CSMD2: variants seen among roughly 807,000 people sequenced by gnomAD.
The protein encoded by CSMD2 is CUB and sushi domain-containing protein 2.
Under a neutral mutation model 398.5 loss-of-function variants are expected in CSMD2, and 130 were observed. The ratio of observed to expected loss-of-function variants is 0.33; its 90% CI spans 0.28 to 0.38. The LOEUF (loss-of-function observed/expected upper bound fraction) is 0.38. Among genes scored for constraint, CSMD2 ranks in the 10% least tolerant of loss-of-function variants. CSMD2 has a pLI of 1.00. For synonymous variants in CSMD2, 1,828 were observed against 1,908.5 expected (o/e 0.96, Z 1.10); for missense variants, 3,829 against 4,764.9 (o/e 0.80, Z 5.78).
chr1:33,623,421 C>T lies in CSMD2; in HGVS notation c.5671G>A (p.Glu1891Lys), dbSNP rs1641898596. The change falls in exon 36 of 71, where the codon GAA (glutamate) becomes AAA (lysine). Residue 1891 changes from glutamate (E) to lysine (K), a missense_variant. Glu to Lys is a moderately conservative substitution (Grantham distance 56). This residue lies in a region of CSMD2 where 2,001 missense variants were observed against 2,567.1 expected (regional missense o/e 0.78). Transcript: ENST00000373381. ...GTGTTATCTGCACCATCAAATACTTCCAGCGAGTCCCAGTTCTGCTCTGTC... is the reference window on the plus strand; with the variant it reads ...GTGTTATCTGCACCATCAAATACTTTCAGCGAGTCCCAGTTCTGCTCTGTC... ...FVTEQNWDSL[E>K]VFDGADNTVT... 6.2e-7 allele frequency: 1 copy of T among 1,614,188 alleles called. No homozygotes were observed. The highest frequency in any genetic ancestry group is 8.5e-7 in the Non-Finnish European group (1 of 1,180,032).
intron 1 of CSMD2, among the ~76,000 whole-genome samples, chr1:34,094,177 G>A (rs1312212081): frequency 1.3e-5 from 2 of 151,498 alleles, no homozygotes; most frequent in South Asian, 2.1e-4. Context: ...AAGTGAAGGA[G>A]AAATAAAATA....
At position 33,559,490 on chromosome 1, in the gene CSMD2, A is replaced by T. The variant is rs564352274; in HGVS notation, c.8381-17T>A. On this transcript the variant is annotated splice_polypyrimidine_tract_variant and intron_variant, in intron 53 of 70. Transcript: ENST00000373381. The surrounding 1 kb of genome is among the most constrained non-coding windows in gnomAD (Gnocchi z 4.0). ...AGGTAATTGCTGTAACCAAAACAGA[A>T]GATAGGTAAGCCCTCCTACTATTCC... 210 of 1,535,694 alleles carry T rather than the reference A, an allele frequency of 1.4e-4. No individual in the cohort carries two copies. The highest frequency in any genetic ancestry group is 1.8e-4 in the Non-Finnish European group (203 of 1,146,562).
At chr1:33,991,122 G>A (rs949611275) in intron 3 of CSMD2, among the ~76,000 whole-genome samples, 1 of 151,576 alleles carries the variant, frequency 6.6e-6, no homozygotes, top group African/African-American at 2.4e-5. Context: ...GGGCTTAAGC[G>A]ATCCTCCCAA....
chr1:33,788,828 T>G, intron 11 of CSMD2, 116 bp from the exon 12 acceptor site: 1 of 666,386 alleles, frequency 1.5e-6, no homozygotes, highest in Non-Finnish European at 2.7e-6. Flanking sequence ...TCGGGCAAAT[T>G]CTGGGCCCCA....
intron 3 of CSMD2, among the ~76,000 whole-genome samples, chr1:33,936,821 C>G (rs1644495289): frequency 6.6e-6 from 1 of 152,144 alleles, no homozygotes; most frequent in Non-Finnish European, 1.5e-5. Context: ...TCCTATCATT[C>G]TAGGATACCC....
chr1:34,092,035 A>G (rs74068045), intron 1 of CSMD2, among the ~76,000 whole-genome samples: 1,531 of 152,344 alleles, frequency 0.01, 22 homozygotes, highest in African/African-American at 0.033. Context: ...AAACTAGCCA[A>G]ATGCAAAATA....
intron 13 of CSMD2, among the ~76,000 whole-genome samples, chr1:33,757,545 C>A (rs1006652102): frequency 6.6e-6 from 1 of 152,112 alleles, no homozygotes; most frequent in Non-Finnish European, 1.5e-5. Flanking sequence ...TCTCACTCCC[C>A]ACTCTTGCTT....
chr1:33,994,367 C>G (rs1646658921), intron 3 of CSMD2, among the ~76,000 whole-genome samples: 1 of 152,054 alleles, frequency 6.6e-6, no homozygotes, highest in Non-Finnish European at 1.5e-5. Flanking sequence ...TGAGTCCCCT[C>G]TTCCTCCAGA....
At position 33,919,549 on chromosome 1, in the gene CSMD2, C is replaced by A. The variant is rs570239420; in HGVS notation, c.713-1248G>T. On this transcript the variant is annotated intron_variant, in intron 4 of 70. Coordinates refer to ENST00000373381, the MANE Select transcript of CSMD2 (RefSeq NM_001281956.2). ...TATGAGTGCAGAAATGTAAGATATA[C>A]ACCTACTCTCCCAGAGTAGGTGCTT... Among the ~76,000 whole-genome samples, 5 of 152,324 alleles carry A rather than the reference C, an allele frequency of 3.3e-5. No individual in the cohort carries two copies. The East Asian group carries it at 9.6e-4, about 29-fold the overall frequency.
chr1:34,110,652 A>G (rs1660987835), intron 1 of CSMD2, among the ~76,000 whole-genome samples: 1 of 152,172 alleles, frequency 6.6e-6, no homozygotes, highest in Non-Finnish European at 1.5e-5. Flanking sequence ...ATTCTTACTT[A>G]TAAGTGGGAG....
At chr1:33,705,082 T>C (rs1645731631) in intron 22 of CSMD2, among the ~76,000 whole-genome samples, 1 of 152,068 alleles carries the variant, frequency 6.6e-6, no homozygotes. Context: ...CCCTAATAGT[T>C]TCTGATTTCT....
intron 1 of CSMD2, among the ~76,000 whole-genome samples, chr1:34,127,837 T>A (rs1662901879): frequency 6.6e-6 from 1 of 151,570 alleles, no homozygotes; most frequent in Non-Finnish European, 1.5e-5. Flanking sequence ...GGACAGTGGT[T>A]CAAGGGATGC....
intron 4 of CSMD2, among the ~76,000 whole-genome samples, chr1:33,927,415 C>A (rs1191312097): frequency 6.6e-6 from 1 of 152,210 alleles, no homozygotes; most frequent in Non-Finnish European, 1.5e-5. Flanking sequence ...TTACATGACA[C>A]TCCTTAGTGA....
intron 41 of CSMD2, among the ~76,000 whole-genome samples, chr1:33,608,337 G>T (rs1248538132): frequency 6.6e-6 from 1 of 152,178 alleles, no homozygotes; most frequent in Non-Finnish European, 1.5e-5. Context: ...CCATTGTCTA[G>T]GGTGAAGGCA....
At chr1:34,162,404 T>C (rs1225069423) in intron 1 of CSMD2, among the ~76,000 whole-genome samples, 1 of 152,180 alleles carries the variant, frequency 6.6e-6, no homozygotes, top group Non-Finnish European at 1.5e-5. Flanking sequence ...GGTTCAGTCC[T>C]GAGCATCTTT....
chr1:33,580,129 C>T (rs1638589627), intron 48 of CSMD2, among the ~76,000 whole-genome samples: 1 of 152,152 alleles, frequency 6.6e-6, no homozygotes, highest in African/African-American at 2.4e-5. Context: ...CTTGCGGAGC[C>T]CAGTCAGCAG....
chr1:34,051,826 T>C (rs1270232154), intron 2 of CSMD2, among the ~76,000 whole-genome samples: 1 of 152,174 alleles, frequency 6.6e-6, no homozygotes, highest in African/African-American at 2.4e-5. Flanking sequence ...GGTGCCAACT[T>C]TACAGGGCAC....
At chr1:33,833,652 G>A (rs1394311682) in intron 6 of CSMD2, among the ~76,000 whole-genome samples, 1 of 150,232 alleles carries the variant, frequency 6.7e-6, no homozygotes, top group Non-Finnish European at 1.5e-5. Context: ...TTCTGGCCAG[G>A]GCAATCAGGC....
At chr1:33,744,452 C>T (rs1355000058) in intron 13 of CSMD2, among the ~76,000 whole-genome samples, 8 of 152,114 alleles carry the variant, frequency 5.3e-5, no homozygotes, top group Non-Finnish European at 1.0e-4. Context: ...GATCCCTGTC[C>T]ACGTCCTGTT....
Sources: gnomAD v4.1 joint callset for allele counts (sites outside exome capture counted in the v4.1 genomes callset) on GRCh38, gnomAD v4.1.1 for gene constraint, gnomAD v4.1.1 regional missense constraint, Gnocchi (gnomAD v3.1) non-coding constraint, MANE v1.5 for transcripts, NCBI Gene and HGNC (gene_info 2026-07-23, HGNC 2026-07-21) for gene names.